The following ZNF385D variants were observed in gnomAD, a reference collection of about 807,000 sequenced individuals.
The protein encoded by ZNF385D is zinc finger protein 385D.
In ZNF385D, 15 loss-of-function variants were observed where a neutral mutation model predicts 35.8. The ratio of observed to expected loss-of-function variants is 0.42; its 90% CI spans 0.28 to 0.64. The LOEUF is 0.64. Among genes scored for constraint, ZNF385D ranks in the 30% least tolerant of loss-of-function variants. The pLI, the probability that ZNF385D is intolerant of heterozygous loss-of-function variation, is 0.23. For synonymous variants in ZNF385D, 212 were observed against 186.8 expected, an observed-to-expected ratio of 1.13 and a Z score of -1.10; for missense variants, 474 against 494.6, an observed-to-expected ratio of 0.96 and a Z score of 0.39.
chr3:21,827,217 C>G (rs546693077), intron 3 of ZNF385D, among the ~76,000 whole-genome samples: 2 of 152,262 alleles, frequency 1.3e-5, no homozygotes, highest in African/African-American at 2.4e-5. Context: ...ACACCTCCCT[C>G]AGGAATTGAC....
chr3:21,694,770 G>T (rs1229144542), intron 1 of ZNF385D, among the ~76,000 whole-genome samples: 2 of 152,162 alleles, frequency 1.3e-5, no homozygotes, highest in African/African-American at 4.8e-5. Context: ...GCAACCTCAT[G>T]ACTCCAATTG....
intron 3 of ZNF385D, among the ~76,000 whole-genome samples, chr3:21,756,247 G>A (rs2070335028): frequency 6.6e-6 from 1 of 152,146 alleles, no homozygotes; most frequent in Non-Finnish European, 1.5e-5. Context: ...TTCTCTACAT[G>A]TACCAAAATG....
chr3:21,672,188 A>G (rs914146903), intron 1 of ZNF385D, among the ~76,000 whole-genome samples: 2 of 152,106 alleles, frequency 1.3e-5, no homozygotes, highest in Non-Finnish European at 2.9e-5. Context: ...AACTAAAAAC[A>G]TATTTTGACA....
At position 22,126,328 on chromosome 3, in the gene ZNF385D, TTTC is replaced by T. The variant is rs1703429136; in HGVS notation, c.325+42486_325+42488del. Among the ~76,000 whole-genome samples the T allele has an allele frequency of 1.1e-4, 16 of 150,090 alleles. No individual in the cohort carries two copies. In the South Asian group the frequency reaches 2.4e-3, roughly 22 times the overall value. The stretch of plus-strand genomic sequence containing the variant: ...GAAAGTTGTTTTTTTTTTTTTTTTT[TTTC>T]ACTTTTTTGGTGTAGGCACTTGTTG... On this transcript the variant is annotated intron_variant, in intron 3 of 5. Coordinates refer to the ZNF385D transcript ENST00000494108.
At chr3:21,814,226 T>C (rs1391339735) in intron 3 of ZNF385D, among the ~76,000 whole-genome samples, 1 of 152,172 alleles carries the variant, frequency 6.6e-6, no homozygotes, top group Non-Finnish European at 1.5e-5. Context: ...GAACAACTGG[T>C]ACCAGCCACT....
chr3:21,739,842 A>G (rs1305489885), intron 1 of ZNF385D, among the ~76,000 whole-genome samples: 1 of 152,218 alleles, frequency 6.6e-6, no homozygotes, highest in African/African-American at 2.4e-5. Context: ...CATTTACTGA[A>G]AGTGAACCTG....
At chr3:21,824,787 T>C (rs1694494262) in intron 3 of ZNF385D, among the ~76,000 whole-genome samples, 1 of 152,148 alleles carries the variant, frequency 6.6e-6, no homozygotes, top group Non-Finnish European at 1.5e-5. Flanking sequence ...TTGATAAATA[T>C]TTTAGAGCAT....
intron 3 of ZNF385D, among the ~76,000 whole-genome samples, chr3:21,817,547 T>A (rs896413597): frequency 2.4e-4 from 36 of 152,204 alleles, no homozygotes; most frequent in Middle Eastern, 3.4e-3. Flanking sequence ...AATAAGACAT[T>A]TATGCAGCCA....
chr3:22,059,408 C>G (rs1231974415), intron 3 of ZNF385D, among the ~76,000 whole-genome samples: 1 of 152,138 alleles, frequency 6.6e-6, no homozygotes, highest in Non-Finnish European at 1.5e-5. Flanking sequence ...GGGTCATTCA[C>G]TTTCTTAACA....
chr3:21,819,691 C>CAT (rs2073310527), intron 3 of ZNF385D, among the ~76,000 whole-genome samples: 1 of 142,364 alleles, frequency 7.0e-6, no homozygotes, highest in Admixed American at 7.1e-5. Flanking sequence ...TCTATGTGTA[C>CAT]GTGTGTATAT....
intron 3 of ZNF385D, among the ~76,000 whole-genome samples, chr3:22,000,043 C>T (rs141348761): frequency 0.072 from 10,955 of 152,178 alleles, 1,285 homozygotes; most frequent in African/African-American, 0.25. Flanking sequence ...TGGTGGCTCA[C>T]GCCTGTAATT....
At chr3:22,152,895 C>T (rs1321575939) in intron 3 of ZNF385D, among the ~76,000 whole-genome samples, 1 of 152,128 alleles carries the variant, frequency 6.6e-6, no homozygotes, top group Admixed American at 6.6e-5. Context: ...ATTGGCCACA[C>T]TTACAACCAG....
At chr3:22,212,376 C>T (rs557892499) in intron 2 of ZNF385D, among the ~76,000 whole-genome samples, 6 of 152,074 alleles carry the variant, frequency 3.9e-5, no homozygotes, top group Admixed American at 3.3e-4. Context: ...ATATGTCTTT[C>T]TGCAATGGTT....
At chr3:22,096,539 G>A (rs898402732) in intron 3 of ZNF385D, among the ~76,000 whole-genome samples, 9 of 151,922 alleles carry the variant, frequency 5.9e-5, no homozygotes, top group Non-Finnish European at 1.0e-4. Context: ...AATGCTTTAC[G>A]AATACTTGAG....
chr3:21,952,077 A>G (rs1702093014), intron 3 of ZNF385D, among the ~76,000 whole-genome samples: 1 of 148,792 alleles, frequency 6.7e-6, no homozygotes, highest in South Asian at 2.1e-4. Context: ...TTAAGCAACT[A>G]AGAACCAATG....
At chr3:22,289,892 CA>C (rs1702211285) in intron 2 of ZNF385D, among the ~76,000 whole-genome samples, 1 of 152,102 alleles carries the variant, frequency 6.6e-6, no homozygotes, top group South Asian at 2.1e-4. Context: ...TATGTCAGCT[CA>C]GTTAACTCTC....
In ZNF385D at chr3:21,497,927, C is replaced by T. The variant is rs144823585; in HGVS notation, c.439+12934G>A. On this transcript the variant is annotated intron_variant, in intron 4 of 7. Transcript: ENST00000281523. ...CCCAAATAGCCAAAGCAATCCTAAG[C>T]AAAAAGAACAAAGCTGGCGGTATCA... 3.2e-3 allele frequency among the ~76,000 whole-genome samples: 485 copies of T among 152,094 alleles called. 1 individual carries two copies. The highest frequency in any genetic ancestry group is 5.4e-3 in the Non-Finnish European group (369 of 67,986).
At chr3:21,865,004 C>G in intron 3 of ZNF385D, among the ~76,000 whole-genome samples, 1 of 28,464 alleles carries the variant, frequency 3.5e-5, no homozygotes. Flanking sequence ...TTTTTTTTTT[C>G]TTCCACTTTG....
rs574976297 is a variant in ZNF385D at position 22,343,458 on chromosome 3, C to T, written c.106+28992G>A. Among the ~76,000 whole-genome samples, 8 of 152,342 alleles carry T rather than the reference C, an allele frequency of 5.3e-5. No individual in the cohort carries two copies. The South Asian group carries it at 1.7e-3, about 32-fold the overall frequency. ...TTGGAACTGGAGGGATACACAGGAA[C>T]AACTATGCAACAACTAATTCCCCTG... On this transcript the variant is annotated intron_variant, in intron 2 of 5. Coordinates refer to the ZNF385D transcript ENST00000494108.
Sources: gnomAD v4.1 joint callset for allele counts (sites outside exome capture counted in the v4.1 genomes callset) on GRCh38, gnomAD v4.1.1 for gene constraint, MANE v1.5 for transcripts, NCBI Gene and HGNC (gene_info 2026-07-23, HGNC 2026-07-21) for gene names.